FRMPD4: variants seen among roughly 807,000 people sequenced by gnomAD.
The protein encoded by FRMPD4 is FERM and PDZ domain-containing protein 4.
A neutral mutation model predicts 94.1 loss-of-function variants in FRMPD4; 22 were observed. The ratio of observed to expected loss-of-function variants is 0.23; its 90% CI spans 0.17 to 0.33. The LOEUF is 0.33. Ranked by LOEUF, FRMPD4 falls within the 10% of genes least tolerant of loss-of-function variation. The pLI is 1.00. For missense variants in FRMPD4, 1,111 were observed against 1,339.9 expected (o/e 0.83, Z 2.67); for synonymous variants, 631 against 548.6 (o/e 1.15, Z -2.10).
At chrX:12,688,941 T>C (rs2060055368) in intron 7 of FRMPD4, among the ~76,000 whole-genome samples, 1 of 109,963 alleles carries the variant, frequency 9.1e-6, no homozygotes, top group African/African-American at 3.3e-5. Context: ...GGTTTCCGGA[T>C]CTTGACACTG....
intron 3 of FRMPD4, among the ~76,000 whole-genome samples, chrX:11,951,219 C>T (rs893377564): frequency 1.8e-5 from 2 of 110,980 alleles, no homozygotes; most frequent in Non-Finnish European, 3.8e-5. Flanking sequence ...AAATACCATT[C>T]GACCCAGCAA....
At chrX:12,713,480 T>TGG (rs1158956817) in intron 14 of FRMPD4, among the ~76,000 whole-genome samples, 1 of 78,408 alleles carries the variant, frequency 1.3e-5, no homozygotes, top group Non-Finnish European at 2.4e-5. Context: ...GGGAGGTAGG[T>TGG]GGAGAGAGAG....
intron 1 of FRMPD4, among the ~76,000 whole-genome samples, chrX:11,826,139 T>C (rs1255118882): frequency 2.7e-5 from 3 of 112,179 alleles, no homozygotes; most frequent in African/African-American, 9.7e-5. Flanking sequence ...GACTGCCATT[T>C]AGTTTTTAGT....
intron 2 of FRMPD4, among the ~76,000 whole-genome samples, chrX:12,540,684 G>A (rs1172925733): frequency 9.0e-6 from 1 of 111,199 alleles, no homozygotes; most frequent in Non-Finnish European, 1.9e-5. Flanking sequence ...AGATCAACAA[G>A]ACAGAAAATT....
chrX:12,621,956 G>GAAAGAAAGAA (rs2059293966), intron 4 of FRMPD4, among the ~76,000 whole-genome samples: 1 of 88,362 alleles, frequency 1.1e-5, no homozygotes, highest in African/African-American at 4.5e-5. Flanking sequence ...GAGAGAGAGA[G>GAAAGAAAGAA]AAAGAAAGAA....
intron 3 of FRMPD4, among the ~76,000 whole-genome samples, chrX:11,924,694 A>C (rs1207377231): frequency 8.9e-6 from 1 of 112,139 alleles, no homozygotes; most frequent in African/African-American, 3.2e-5. Context: ...GATCCTTTTC[A>C]GACAAGAAAA....
intron 3 of FRMPD4, among the ~76,000 whole-genome samples, chrX:12,016,020 G>A (rs942784376): frequency 7.1e-5 from 8 of 112,353 alleles, no homozygotes; most frequent in African/African-American, 2.6e-4. Flanking sequence ...ACTTGCAGTG[G>A]CACAGAAAGA....
intron 1 of FRMPD4, among the ~76,000 whole-genome samples, chrX:12,350,463 G>C (rs2055784960): frequency 8.9e-6 from 1 of 111,976 alleles, no homozygotes; most frequent in East Asian, 2.8e-4. Context: ...ATTGTTCATA[G>C]GGGTCTAACA....
intron 3 of FRMPD4, among the ~76,000 whole-genome samples, chrX:12,047,350 AAAC>A (rs1469976468): frequency 9.0e-6 from 1 of 111,372 alleles, no homozygotes. Context: ...AACAATGATA[AAAC>A]AATACTGTAT....
intron 3 of FRMPD4, among the ~76,000 whole-genome samples, chrX:12,073,110 T>C (rs1164132892): frequency 9.0e-6 from 1 of 111,584 alleles, no homozygotes; most frequent in Non-Finnish European, 1.9e-5. Flanking sequence ...TCTAGTTCAT[T>C]GTATAAATAT....
At chrX:12,233,624 G>C (rs2057037324) in intron 1 of FRMPD4, among the ~76,000 whole-genome samples, 1 of 111,982 alleles carries the variant, frequency 8.9e-6, no homozygotes, top group Admixed American at 9.5e-5. Context: ...GCATAGTAAA[G>C]TTGCTGAGTG....
intron 1 of FRMPD4, among the ~76,000 whole-genome samples, chrX:12,383,599 T>C (rs1050625516): frequency 8.9e-6 from 1 of 111,734 alleles, no homozygotes; most frequent in Admixed American, 9.5e-5. Context: ...GTGGTTTGTC[T>C]TACTCATGCC....
chrX:11,881,595 A>G (rs2053813950), intron 3 of FRMPD4, among the ~76,000 whole-genome samples: 1 of 112,125 alleles, frequency 8.9e-6, no homozygotes, highest in South Asian at 3.7e-4. Flanking sequence ...CAGAGAGACA[A>G]AACTACAGTG....
chrX:12,705,576 CT>C (rs1401231490), intron 11 of FRMPD4, among the ~76,000 whole-genome samples: 1 of 111,127 alleles, frequency 9.0e-6, no homozygotes, highest in Non-Finnish European at 1.9e-5. Flanking sequence ...TATCAGCCAC[CT>C]TTAACTCACT....
At chrX:12,465,522 T>G (rs113757644) in intron 1 of FRMPD4, among the ~76,000 whole-genome samples, 1,526 of 111,673 alleles carry the variant, frequency 0.014, 28 homozygotes, top group African/African-American at 0.047. Context: ...AAGATAAATG[T>G]GTCATTCCAT....
At chrX:12,297,897 GC>G (rs2054797279) in intron 1 of FRMPD4, among the ~76,000 whole-genome samples, 1 of 111,314 alleles carries the variant, frequency 9.0e-6, no homozygotes, top group Non-Finnish European at 1.9e-5. Context: ...ATTTCTGGCA[GC>G]CTACCAAAAT....
intron 1 of FRMPD4, among the ~76,000 whole-genome samples, chrX:12,380,316 C>T (rs1478796418): frequency 3.6e-5 from 4 of 112,000 alleles, no homozygotes; most frequent in Non-Finnish European, 7.5e-5. Context: ...TTCAGAAATA[C>T]AGCTTTGCAG....
intron 1 of FRMPD4, among the ~76,000 whole-genome samples, chrX:12,183,792 C>T (rs987707326): frequency 5.4e-5 from 6 of 110,734 alleles, no homozygotes; most frequent in Admixed American, 4.8e-4. Flanking sequence ...ACACCAGTCT[C>T]GTGTTCTTTA....
chrX:12,685,599 T>G (rs1359858751), intron 6 of FRMPD4, among the ~76,000 whole-genome samples: 1 of 111,860 alleles, frequency 8.9e-6, no homozygotes, highest in Non-Finnish European at 1.9e-5. Flanking sequence ...GTTTTGCAGT[T>G]GCAACATTTA....
Sources: allele counts gnomAD v4.1 joint callset (sites outside exome capture counted in the v4.1 genomes callset), GRCh38; gene constraint gnomAD v4.1.1; transcripts MANE v1.5; gene names NCBI Gene and HGNC (gene_info 2026-07-23, HGNC 2026-07-21).